The following GPC5 variants were observed in gnomAD, a reference collection of about 807,000 sequenced individuals.
The protein encoded by GPC5 is glypican 5.
In GPC5, 47 loss-of-function variants were observed where a neutral mutation model predicts 53.9. That is an observed-to-expected ratio of 0.87 (90% confidence interval 0.69 to 1.11). The LOEUF is 1.11. GPC5 is among the 50% of genes most tolerant of loss of function. The probability of loss-of-function intolerance (pLI) is 0.00; values close to 1 mark genes in which losing one functional copy is unlikely to be tolerated. For missense variants in GPC5, 748 were observed against 713.1 expected (o/e 1.05, Z -0.56); for synonymous variants, 286 against 263.3 (o/e 1.09, Z -0.84).
intron 4 of GPC5, among the ~76,000 whole-genome samples, chr13:91,747,551 C>T (rs1326624521): frequency 3.9e-5 from 6 of 152,234 alleles, no homozygotes; most frequent in Non-Finnish European, 8.8e-5. Context: ...CTGCTCCAGA[C>T]ATTTTAGACT....
At chr13:91,755,249 C>T (rs1555916) in intron 4 of GPC5, among the ~76,000 whole-genome samples, 51,140 of 151,922 alleles carry the variant, frequency 0.34, 9,962 homozygotes, top group East Asian at 0.64. Flanking sequence ...AATCACCTGT[C>T]TTCTTTGATC....
At chr13:91,837,643 T>A (rs1566295495) in intron 5 of GPC5, among the ~76,000 whole-genome samples, 2 of 152,198 alleles carry the variant, frequency 1.3e-5, no homozygotes, top group Non-Finnish European at 2.9e-5. Context: ...TTTGTGTAAC[T>A]TCTGCTGTCA....
At chr13:91,770,098 A>G (rs990136938) in intron 5 of GPC5, among the ~76,000 whole-genome samples, 2 of 152,158 alleles carry the variant, frequency 1.3e-5, no homozygotes, top group Non-Finnish European at 2.9e-5. Context: ...AATGGCTCAC[A>G]GGACTCAGAG....
At chr13:91,432,205 GTGTGTGTGT>G (rs1425298820) in intron 1 of GPC5, among the ~76,000 whole-genome samples, 7 of 119,626 alleles carry the variant, frequency 5.9e-5, no homozygotes, top group East Asian at 4.7e-4. Flanking sequence ...TGCTGCTGCT[GTGTGTGTGT>G]GTGTGTGTGT....
intron 7 of GPC5, among the ~76,000 whole-genome samples, chr13:92,210,828 G>T (rs1018239829): frequency 1.3e-5 from 2 of 152,160 alleles, no homozygotes; most frequent in Non-Finnish European, 2.9e-5. Context: ...AATGAAAATG[G>T]ACTAAAAAAC....
At chr13:92,391,153 T>TA (rs1409968808) in intron 7 of GPC5, among the ~76,000 whole-genome samples, 2 of 152,150 alleles carry the variant, frequency 1.3e-5, no homozygotes, top group Non-Finnish European at 2.9e-5. Context: ...CTCATTAATA[T>TA]AATTATTTCA....
chr13:92,380,925 GAAAA>G (rs200563036), intron 7 of GPC5, among the ~76,000 whole-genome samples: 2 of 147,774 alleles, frequency 1.4e-5, no homozygotes, highest in African/African-American at 5.0e-5. Context: ...AGAAAAAAAA[GAAAA>G]AAAAAAGAAT....
At chr13:91,598,694 C>T (rs2033078896) in intron 2 of GPC5, among the ~76,000 whole-genome samples, 1 of 151,826 alleles carries the variant, frequency 6.6e-6, no homozygotes, top group South Asian at 2.1e-4. Context: ...TTCTAAATGT[C>T]ATATGACCCC....
intron 1 of GPC5, among the ~76,000 whole-genome samples, chr13:91,436,728 T>G (rs1343060760): frequency 6.6e-6 from 1 of 152,198 alleles, no homozygotes; most frequent in African/African-American, 2.4e-5. Context: ...CTGAGTTCAG[T>G]TCCTGGATAT....
intron 7 of GPC5, among the ~76,000 whole-genome samples, chr13:92,348,064 A>T (rs1438936057): frequency 1.4e-5 from 2 of 142,414 alleles, no homozygotes; most frequent in Non-Finnish European, 3.0e-5. Context: ...AAGAGGCAGA[A>T]ACAAAGTATC....
At chr13:92,827,448 C>A (rs987559829) in intron 7 of GPC5, among the ~76,000 whole-genome samples, 4 of 152,082 alleles carry the variant, frequency 2.6e-5, no homozygotes, top group African/African-American at 9.7e-5. Flanking sequence ...AATCTTACAA[C>A]CTTCCAACCT....
At chr13:91,456,652 C>A (rs1275054340) in intron 2 of GPC5, among the ~76,000 whole-genome samples, 1 of 151,806 alleles carries the variant, frequency 6.6e-6, no homozygotes, top group South Asian at 2.1e-4. Flanking sequence ...TGTGGTATGA[C>A]ACTCATTTTG....
At chr13:91,587,557 C>T (rs1309818172) in intron 2 of GPC5, among the ~76,000 whole-genome samples, 1 of 152,128 alleles carries the variant, frequency 6.6e-6, no homozygotes, top group East Asian at 1.9e-4. Context: ...GACATTCATT[C>T]AGCAAATATT....
intron 7 of GPC5, among the ~76,000 whole-genome samples, chr13:92,288,981 G>C (rs2042975556): frequency 6.6e-6 from 1 of 151,870 alleles, no homozygotes; most frequent in Admixed American, 6.6e-5. Flanking sequence ...TTTCTGTATA[G>C]GTTTGTAGAA....
At chr13:91,478,818 T>C (rs796697916) in intron 2 of GPC5, among the ~76,000 whole-genome samples, 14 of 111,526 alleles carry the variant, frequency 1.3e-4, no homozygotes, top group Non-Finnish European at 2.4e-4. Context: ...TATATATATA[T>C]ATATACACAC....
intron 7 of GPC5, among the ~76,000 whole-genome samples, chr13:92,737,732 A>T: frequency 6.7e-6 from 1 of 149,798 alleles, no homozygotes. Context: ...GAAATGGAAA[A>T]TGACATATTT....
At chr13:91,627,469 A>C (rs1026111526) in intron 2 of GPC5, among the ~76,000 whole-genome samples, 2 of 152,032 alleles carry the variant, frequency 1.3e-5, no homozygotes, top group Non-Finnish European at 2.9e-5. Flanking sequence ...TTGAGGAAGA[A>C]TTTGCTTAAA....
At chr13:91,428,051 A>G (rs1375046560) in intron 1 of GPC5, among the ~76,000 whole-genome samples, 2 of 152,194 alleles carry the variant, frequency 1.3e-5, no homozygotes, top group Non-Finnish European at 2.9e-5. Flanking sequence ...CGTCTATACA[A>G]ATTACCCAGT....
intron 5 of GPC5, among the ~76,000 whole-genome samples, chr13:91,764,022 G>A (rs972917551): frequency 6.6e-6 from 1 of 152,018 alleles, no homozygotes; most frequent in Non-Finnish European, 1.5e-5. Context: ...ACTTGGTGTT[G>A]TTTTTTATTT....
Sources: allele counts gnomAD v4.1 joint callset (sites outside exome capture counted in the v4.1 genomes callset), GRCh38; gene constraint gnomAD v4.1.1; transcripts MANE v1.5; gene names NCBI Gene and HGNC (gene_info 2026-07-23, HGNC 2026-07-21).